The following TBC1D12 variants were observed in gnomAD, a reference collection of about 807,000 sequenced individuals.
TBC1D12 encodes TBC1 domain family member 12.
In TBC1D12, 56 loss-of-function variants were observed where a neutral mutation model predicts 86.7. The ratio of observed to expected loss-of-function variants is 0.65; its 90% CI spans 0.52 to 0.81. The LOEUF is 0.81. TBC1D12 is among the 30% of genes least tolerant of loss of function. TBC1D12 has a pLI of 0.00. For synonymous variants in TBC1D12, 421 were observed against 411.7 expected (o/e 1.02, Z -0.27); for missense variants, 1,023 against 1,038.8 (o/e 0.98, Z 0.21).
chr10:94,447,074 AAAC>A (rs561076873), intron 2 of TBC1D12, among the ~76,000 whole-genome samples: 2 of 151,858 alleles, frequency 1.3e-5, no homozygotes, highest in South Asian at 4.2e-4. Flanking sequence ...AAAAAAAAAA[AAAC>A]CTTTTTTATG....
intron 6 of TBC1D12, among the ~76,000 whole-genome samples, chr10:94,505,095 G>A (rs2056443385): frequency 1.3e-5 from 2 of 152,006 alleles, no homozygotes; most frequent in African/African-American, 4.8e-5. Context: ...GGGTTTGTCT[G>A]GTGAGCCCCC....
chr10:94,526,760 A>G (rs1271497578), intron 11 of TBC1D12, among the ~76,000 whole-genome samples: 1 of 152,160 alleles, frequency 6.6e-6, no homozygotes. Flanking sequence ...CAGTAGTGTC[A>G]TTGCTGGATC....
intron 1 of TBC1D12, 120 bp downstream of exon 1, chr10:94,403,704 T>TGCCA: frequency 8.0e-7 from 1 of 1,243,338 alleles, no homozygotes; most frequent in Non-Finnish European, 1.1e-6. Context: ...GCCGCTTCCG[T>TGCCA]GCCAGCCCCA....
chr10:94,532,047 A>AT (rs1368074700), intron 12 of TBC1D12, among the ~76,000 whole-genome samples: 2 of 151,382 alleles, frequency 1.3e-5, no homozygotes, highest in Admixed American at 6.6e-5. Context: ...CGCCCGGCTA[A>AT]TTTTTTGTAT....
At chr10:94,440,924 AC>A (rs1161454329) in intron 1 of TBC1D12, among the ~76,000 whole-genome samples, 2 of 152,178 alleles carry the variant, frequency 1.3e-5, no homozygotes, top group African/African-American at 4.8e-5. Context: ...GTCTCGGCTC[AC>A]TGCAACCTCC....
intron 2 of TBC1D12, among the ~76,000 whole-genome samples, chr10:94,451,848 C>A (rs2055554071): frequency 6.6e-6 from 1 of 151,902 alleles, no homozygotes; most frequent in African/African-American, 2.4e-5. Flanking sequence ...ATGAATGTTT[C>A]TTGGGCATTA....
At chr10:94,493,931 A>G (rs578183375) in intron 4 of TBC1D12, among the ~76,000 whole-genome samples, 146 of 152,166 alleles carry the variant, frequency 9.6e-4, no homozygotes, top group Non-Finnish European at 1.4e-3. Flanking sequence ...ATAAATAAAG[A>G]TAATAATTCA....
At chr10:94,453,833 C>T (rs141078880) in intron 2 of TBC1D12, among the ~76,000 whole-genome samples, 89 of 151,854 alleles carry the variant, frequency 5.9e-4, no homozygotes, top group African/African-American at 1.9e-3. Context: ...TTTTTCATGT[C>T]GATGTCCAGT....
At chr10:94,468,984 C>T (rs1255794095) in intron 2 of TBC1D12, among the ~76,000 whole-genome samples, 1 of 152,084 alleles carries the variant, frequency 6.6e-6, no homozygotes, top group Non-Finnish European at 1.5e-5. Flanking sequence ...TTAAACATTG[C>T]AGAAGAAAGT....
intron 11 of TBC1D12, among the ~76,000 whole-genome samples, 197 bp from the exon 12 acceptor site, chr10:94,531,005 G>A (rs532787804): frequency 1.2e-4 from 18 of 152,084 alleles, no homozygotes; most frequent in African/African-American, 3.9e-4. Context: ...GACTGTAGGT[G>A]TGTGCCACCA....
intron 9 of TBC1D12, among the ~76,000 whole-genome samples, chr10:94,518,359 A>G (rs1477738870): frequency 6.6e-6 from 1 of 151,932 alleles, no homozygotes; most frequent in East Asian, 2.0e-4. Flanking sequence ...GATTACAGGC[A>G]CATGCCACCA....
Position 94,402,755 on chromosome 10 carries a change from C to G in TBC1D12, c.142C>G (p.Pro48Ala). ...GFGGGVGAVE[P>A]PEEADEEEEA... ...TGGCGGAGGCGTCGGCGCTGTGGAG[C>G]CGCCGGAGGAGGCTGACGAGGAGGA... Residue 48 changes from proline to alanine, a missense_variant, in exon 1 of 13, where the codon CCG (proline) becomes GCG (alanine). By Grantham distance (27) the Pro-to-Ala change is conservative. This residue lies in a region of TBC1D12 where 628 missense variants were observed against 531.1 expected (regional missense o/e 1.18). Coordinates refer to ENST00000225235, the MANE Select transcript of TBC1D12 (RefSeq NM_015188.2). 1.3e-6 allele frequency: 2 copies of G among 1,548,208 alleles called. No homozygotes were observed. The highest frequency in any genetic ancestry group is 1.4e-5 in the African/African-American group (1 of 73,208).
Position 94,403,028 on chromosome 10 carries a change from G to A in TBC1D12, c.415G>A (p.Gly139Ser). 1 of 1,571,650 alleles carries A rather than the reference G, an allele frequency of 6.4e-7. No individual in the cohort carries two copies. The highest frequency in any genetic ancestry group is 8.6e-7 in the Non-Finnish European group (1 of 1,163,152). Residue 139 changes from glycine to serine, a missense_variant, in exon 1 of 13, where the codon GGT becomes AGT. By Grantham distance (56) the Gly-to-Ser change is moderately conservative. Around this residue, in one of 2 missense-constraint regions of TBC1D12, gnomAD observed 628 missense variants for 531.1 expected, o/e 1.18. Coordinates refer to ENST00000225235, the MANE Select transcript of TBC1D12 (RefSeq NM_015188.2). ...RHEGMTNGDS[G>S]FLPGRDCRDL... The stretch of plus-strand genomic sequence containing the variant: ...CGAAGGCATGACCAACGGCGACTCG[G>A]GTTTTCTGCCGGGCCGGGACTGTCG...
intron 11 of TBC1D12, among the ~76,000 whole-genome samples, chr10:94,527,828 T>C (rs1447443512): frequency 6.6e-6 from 1 of 152,166 alleles, no homozygotes; most frequent in Non-Finnish European, 1.5e-5. Flanking sequence ...TTGAAGAGAC[T>C]GTCCTTTCCT....
intron 11 of TBC1D12, among the ~76,000 whole-genome samples, chr10:94,530,141 C>T (rs977058150): frequency 6.6e-6 from 1 of 152,104 alleles, no homozygotes; most frequent in South Asian, 2.1e-4. Flanking sequence ...TCAGCACTAC[C>T]TCAAATAAAC....
At chr10:94,493,026 G>A (rs907589280) in intron 3 of TBC1D12, among the ~76,000 whole-genome samples, 2 of 152,138 alleles carry the variant, frequency 1.3e-5, no homozygotes, top group Admixed American at 6.5e-5. Flanking sequence ...GGGAGGCTGA[G>A]TCAGGAGGAT....
At chr10:94,447,193 A>G (rs568443471) in intron 2 of TBC1D12, among the ~76,000 whole-genome samples, 2 of 151,956 alleles carry the variant, frequency 1.3e-5, no homozygotes, top group African/African-American at 4.8e-5. Context: ...TAGGCCTTTT[A>G]AAATTCATTT....
chr10:94,482,586 G>T (rs1482489441), intron 3 of TBC1D12, among the ~76,000 whole-genome samples: 1 of 151,896 alleles, frequency 6.6e-6, no homozygotes, highest in Non-Finnish European at 1.5e-5. Context: ...GAGTAGCTGG[G>T]ATTATAGGCA....
chr10:94,457,048 T>A (rs2055637767), intron 2 of TBC1D12, among the ~76,000 whole-genome samples: 1 of 152,230 alleles, frequency 6.6e-6, no homozygotes, highest in East Asian at 1.9e-4. Context: ...AAAATCTATA[T>A]GTGCCTTTAT....
Sources: gnomAD v4.1 joint callset for allele counts (sites outside exome capture counted in the v4.1 genomes callset) on GRCh38, gnomAD v4.1.1 for gene constraint, gnomAD v4.1.1 regional missense constraint, MANE v1.5 for transcripts, NCBI Gene and HGNC (gene_info 2026-07-23, HGNC 2026-07-21) for gene names.